MMRN1: variants seen among roughly 807,000 people sequenced by gnomAD.
MMRN1 encodes the protein multimerin 1.
MMRN1 carries 94 observed loss-of-function variants against 100.7 expected under a neutral mutation model. The ratio of observed to expected loss-of-function variants is 0.93; its 90% CI spans 0.79 to 1.11. MMRN1 has a LOEUF of 1.11. Among genes scored for constraint, MMRN1 ranks in the 50% least tolerant of loss-of-function variants. The pLI is 0.00. For synonymous variants in MMRN1, 575 were observed against 505.0 expected, an observed-to-expected ratio of 1.14 and a Z score of -1.86; for missense variants, 1,606 against 1,439.1, an observed-to-expected ratio of 1.12 and a Z score of -1.88.
At chr4:89,898,437 A>C (rs1392830588) in intron 1 of MMRN1, among the ~76,000 whole-genome samples, 1 of 151,928 alleles carries the variant, frequency 6.6e-6, no homozygotes, top group Non-Finnish European at 1.5e-5. Context: ...CAGCTCCTAC[A>C]TTACACTCCC....
chr4:89,920,255 A>C (rs1722046696), intron 3 of MMRN1, among the ~76,000 whole-genome samples: 2 of 152,134 alleles, frequency 1.3e-5, no homozygotes, highest in African/African-American at 4.8e-5. Context: ...ATACTGGCAA[A>C]ACACAATCAT....
At chr4:89,883,995 T>G (rs1720877642) in intron 1 of MMRN1, among the ~76,000 whole-genome samples, 3 of 152,108 alleles carry the variant, frequency 2.0e-5, no homozygotes, top group African/African-American at 7.2e-5. Context: ...AATAAGATAT[T>G]TTACCATTGA....
intron 6 of MMRN1, among the ~76,000 whole-genome samples, chr4:89,939,408 A>G (rs1722753825): frequency 6.6e-6 from 1 of 152,184 alleles, no homozygotes; most frequent in Non-Finnish European, 1.5e-5. Flanking sequence ...ACTTACTTTG[A>G]AGCCTGATAA....
chr4:89,940,716 CAAG>C (rs1443623239), intron 6 of MMRN1, among the ~76,000 whole-genome samples: 2 of 152,052 alleles, frequency 1.3e-5, no homozygotes, highest in Admixed American at 6.6e-5. Flanking sequence ...TTTTGAGAAT[CAAG>C]AATATAATCT....
At chr4:89,949,462 C>G (rs1320334641) in intron 6 of MMRN1, among the ~76,000 whole-genome samples, 2 of 152,072 alleles carry the variant, frequency 1.3e-5, no homozygotes, top group East Asian at 1.9e-4. Flanking sequence ...TGCTTTGATA[C>G]AGAATATTCA....
Position 89,953,051 on chromosome 4 carries a change from A to T in MMRN1, c.3320A>T (p.His1107Leu), listed in dbSNP as rs763169618. ...YAPMVAFFAS[H>L]TYGMTIPGPI... The stretch of plus-strand genomic sequence containing the variant: ...CCCATGGTGGCATTTTTTGCATCTC[A>T]TACGTATGGAATGACTATACCTGGT... The change falls in exon 8 of 8, where the codon CAT (histidine) becomes CTT (leucine). Residue 1107 changes from histidine to leucine, a missense_variant. Coordinates refer to ENST00000264790, the MANE Select transcript of MMRN1 (RefSeq NM_007351.3). The T allele has an allele frequency of 5.0e-6, 8 of 1,613,100 alleles. No individual in the cohort carries two copies. The highest frequency in any genetic ancestry group is 6.8e-6 in the Non-Finnish European group (8 of 1,179,540).
At chr4:89,904,180 AC>A (rs1721483489) in intron 1 of MMRN1, among the ~76,000 whole-genome samples, 1 of 147,634 alleles carries the variant, frequency 6.8e-6, no homozygotes, top group Admixed American at 6.7e-5. Context: ...TTCTTCTTCA[AC>A]TCTCTCTGAT....
In MMRN1 at chr4:89,935,366, A is replaced by G. The variant is rs777953307; in HGVS notation, c.1686A>G (p.Gln562=). The change falls in exon 6 of 8, where the codon CAA becomes CAG. Residue 562 remains glutamine, a synonymous_variant. Coordinates refer to ENST00000264790, the MANE Select transcript of MMRN1 (RefSeq NM_007351.3). ...NIKKQSLMML[Q]MFEDLHIQES... ...AGAAGCAGAGTTTGATGATGCTGCAAATGTTTGAAGATTTGCACATTCAAG... is the reference window on the plus strand; with the variant it reads ...AGAAGCAGAGTTTGATGATGCTGCAGATGTTTGAAGATTTGCACATTCAAG... 3.1e-6 allele frequency: 5 copies of G among 1,613,260 alleles called. No individual in the cohort carries two copies. In the East Asian group the frequency reaches 8.9e-5, roughly 29 times the overall value.
At chr4:89,883,806 A>G (rs984879761) in intron 1 of MMRN1, among the ~76,000 whole-genome samples, 2 of 152,104 alleles carry the variant, frequency 1.3e-5, no homozygotes, top group African/African-American at 2.4e-5. Flanking sequence ...TATCAAATAA[A>G]TCTTTCTCTA....
chr4:89,951,903 C>A, intron 7 of MMRN1, 152 bp downstream of exon 7: 1 of 902,542 alleles, frequency 1.1e-6, no homozygotes. Context: ...AAGAATGTAC[C>A]TGATTTACAA....
In MMRN1 at chr4:89,936,145, A is replaced by G. The variant is rs1722625827; in HGVS notation, c.2465A>G (p.Lys822Arg). ...DEKLNQSNFQKMYQMFNETTS... is the reference protein window; with the variant it reads ...DEKLNQSNFQRMYQMFNETTS... ...AAACTAAATCAGTCCAACTTCCAAA[A>G]GATGTATCAAATGTTCAATGAAACC... The change falls in exon 6 of 8, where the codon AAG becomes AGG. Residue 822 changes from lysine to arginine, a missense_variant. Transcript: ENST00000264790. 6.2e-7 allele frequency: 1 copy of G among 1,612,584 alleles called. No individual in the cohort carries two copies. The highest frequency in any genetic ancestry group is 1.3e-5 in the African/African-American group (1 of 75,016).
At chr4:89,940,397 A>T (rs965108607) in intron 6 of MMRN1, among the ~76,000 whole-genome samples, 4 of 152,186 alleles carry the variant, frequency 2.6e-5, no homozygotes, top group Admixed American at 2.0e-4. Context: ...ACTTTCTATA[A>T]AACATTTGGT....
intron 3 of MMRN1, among the ~76,000 whole-genome samples, chr4:89,913,036 A>G (rs1560585763): frequency 6.6e-6 from 1 of 151,306 alleles, no homozygotes; most frequent in East Asian, 1.9e-4. Flanking sequence ...ATAACCAGGT[A>G]AAATAAACTT....
At chr4:89,900,461 C>T (rs1721348397) in intron 1 of MMRN1, among the ~76,000 whole-genome samples, 2 of 152,204 alleles carry the variant, frequency 1.3e-5, no homozygotes, top group South Asian at 4.1e-4. Flanking sequence ...TTCAAAGGGA[C>T]CTTCTCTTAC....
chr4:89,894,374 A>G (rs150015571), upstream of MMRN1, among the ~76,000 whole-genome samples: 289 of 152,320 alleles, frequency 1.9e-3, no homozygotes, highest in Non-Finnish European at 3.2e-3. Context: ...TAGATGTTTT[A>G]TAATTCAGAG....
intron 3 of MMRN1, among the ~76,000 whole-genome samples, chr4:89,918,329 G>T (rs1472970830): frequency 6.6e-6 from 1 of 151,588 alleles, no homozygotes; most frequent in African/African-American, 2.4e-5. Context: ...TTCTGTTAGA[G>T]TGTCATCTCT....
intron 1 of MMRN1, among the ~76,000 whole-genome samples, chr4:89,904,776 C>A (rs1175435259): frequency 1.3e-5 from 2 of 151,542 alleles, no homozygotes; most frequent in East Asian, 1.9e-4. Context: ...CTAGGGAGAA[C>A]ATGTACTCTG....
intron 1 of MMRN1, among the ~76,000 whole-genome samples, chr4:89,906,049 C>CT (rs1039341070): frequency 6.6e-6 from 1 of 151,420 alleles, no homozygotes; most frequent in Non-Finnish European, 1.5e-5. Context: ...TTAAAGCCAT[C>CT]TTTTTTGCTT....
In MMRN1 at chr4:89,951,639, A is replaced by G; in HGVS notation, c.3153A>G (p.Gln1051=). The G allele has an allele frequency of 1.9e-6, 3 of 1,548,226 alleles. No homozygotes were observed. The highest frequency in any genetic ancestry group is 2.6e-6 in the Non-Finnish European group (3 of 1,151,980). ...EYSSCSRHPC[Q]NGGTCINGRT... is the part of the protein sequence containing the mutation. ...CAAGCTGTAGTCGGCATCCGTGCCA[A>G]AATGGGGGCACGTGCATAAATGGAA... The change falls in exon 7 of 8, where the codon CAA becomes CAG. Residue 1051 remains glutamine (Q), a synonymous_variant. Coordinates refer to ENST00000264790, the MANE Select transcript of MMRN1 (RefSeq NM_007351.3).
Sources: gnomAD v4.1 joint callset for allele counts (sites outside exome capture counted in the v4.1 genomes callset) on GRCh38, gnomAD v4.1.1 for gene constraint, MANE v1.5 for transcripts, NCBI Gene and HGNC (gene_info 2026-07-23, HGNC 2026-07-21) for gene names.